Variants in HACD2 observed in about 807,000 individuals in gnomAD.
HACD2 encodes 3-hydroxyacyl-CoA dehydratase 2, also known as very-long-chain (3R)-3-hydroxyacyl-CoA dehydratase 2.
In HACD2, 15 loss-of-function variants were observed where a neutral mutation model predicts 31.0. The observed-to-expected ratio is 0.48, with a 90% CI of 0.32 to 0.75. HACD2 has a LOEUF of 0.75. Among genes scored for constraint, HACD2 ranks in the 30% least tolerant of loss-of-function variants. The probability of loss-of-function intolerance (pLI) is 0.03; values close to 1 mark genes in which losing one functional copy is unlikely to be tolerated. For missense variants in HACD2, 283 were observed against 313.0 expected (o/e 0.90, Z 0.72); for synonymous variants, 115 against 122.2 (o/e 0.94, Z 0.39).
chr3:123,575,378 A>T (rs2056897267), intron 2 of HACD2, among the ~76,000 whole-genome samples: 1 of 152,150 alleles, frequency 6.6e-6, no homozygotes, highest in Non-Finnish European at 1.5e-5. Context: ...TGGCCTTCCA[A>T]AGTGCTGGGA....
At chr3:123,537,679 T>C (rs993684923) in intron 3 of HACD2, among the ~76,000 whole-genome samples, 5 of 152,126 alleles carry the variant, frequency 3.3e-5, no homozygotes, top group African/African-American at 9.7e-5. Context: ...TTTTTCATGA[T>C]AGTATAAGCT....
In HACD2 at chr3:123,494,634, C is replaced by G. The variant is rs771825066; in HGVS notation, c.*254G>C. 1 of 493,012 alleles carries G rather than the reference C, an allele frequency of 2.0e-6. No individual in the cohort carries two copies. Among genetic ancestry groups the G allele is most frequent in the African/African-American group, 2.0e-5 (1 of 50,310 alleles). The allele number at this position is 493,012 out of a possible 1,614,324, so 30.5% of individuals were successfully genotyped here. ...TAAAATGCCAAATCCCTTTCTAGTG[C>G]CATCATAAATATTAAGAACTTCTGG... On this transcript the variant is annotated 3_prime_UTR_variant, in exon 7 of 7. Coordinates refer to ENST00000383657, the MANE Select transcript of HACD2 (RefSeq NM_198402.5).
At chr3:123,534,742 G>A (rs1406082812) in intron 3 of HACD2, among the ~76,000 whole-genome samples, 2 of 151,154 alleles carry the variant, frequency 1.3e-5, no homozygotes, top group African/African-American at 4.9e-5. Context: ...AGTGGGACAC[G>A]ATGTGGAGGC....
At chr3:123,539,436 G>C (rs549406176) in intron 3 of HACD2, among the ~76,000 whole-genome samples, 7 of 151,916 alleles carry the variant, frequency 4.6e-5, no homozygotes, top group Non-Finnish European at 1.0e-4. Context: ...TGGGCATGGT[G>C]GTGTGTGCCT....
intron 1 of HACD2, among the ~76,000 whole-genome samples, chr3:123,582,544 T>C (rs2056976987): frequency 6.6e-6 from 1 of 152,144 alleles, no homozygotes; most frequent in South Asian, 2.1e-4. Flanking sequence ...AGTGAAAGCA[T>C]AGTGGCACCT....
At chr3:123,511,047 G>A (rs143989180) in intron 4 of HACD2, among the ~76,000 whole-genome samples, 37 of 150,498 alleles carry the variant, frequency 2.5e-4, no homozygotes, top group Non-Finnish European at 3.1e-4. Context: ...TAGTGATGTT[G>A]AGCATCTTTT....
At chr3:123,496,446 C>T (rs188048353) in intron 6 of HACD2, among the ~76,000 whole-genome samples, 3 of 152,284 alleles carry the variant, frequency 2.0e-5, no homozygotes, top group Admixed American at 2.0e-4. Flanking sequence ...TTCAAATGAT[C>T]CTCCCAAAGT....
intron 1 of HACD2, among the ~76,000 whole-genome samples, chr3:123,582,654 G>A (rs2056977986): frequency 6.6e-6 from 1 of 152,254 alleles, no homozygotes; most frequent in East Asian, 1.9e-4. Flanking sequence ...TAAATCAGGT[G>A]CCAAGAAAAT....
intron 4 of HACD2, among the ~76,000 whole-genome samples, chr3:123,507,794 A>G (rs2055996988): frequency 6.6e-6 from 1 of 152,224 alleles, no homozygotes; most frequent in Admixed American, 6.5e-5. Flanking sequence ...GAAATGTTCT[A>G]AAGTTAGATT....
intron 3 of HACD2, among the ~76,000 whole-genome samples, chr3:123,540,268 T>A (rs1464702049): frequency 6.6e-6 from 1 of 152,124 alleles, no homozygotes; most frequent in Non-Finnish European, 1.5e-5. Flanking sequence ...CACTAGCATC[T>A]TACTCATCCA....
At chr3:123,534,777 T>C (rs2056405147) in intron 3 of HACD2, among the ~76,000 whole-genome samples, 2 of 146,222 alleles carry the variant, frequency 1.4e-5, no homozygotes, top group African/African-American at 5.1e-5. Context: ...GTGATGATCC[T>C]GTCCCTATGT....
At chr3:123,547,136 G>A (rs1441804669) in intron 3 of HACD2, among the ~76,000 whole-genome samples, 7 of 152,108 alleles carry the variant, frequency 4.6e-5, no homozygotes, top group Non-Finnish European at 1.0e-4. Flanking sequence ...AGTATTTAAC[G>A]AACGTACTTA....
intron 3 of HACD2, among the ~76,000 whole-genome samples, chr3:123,536,135 T>A (rs984117399): frequency 6.6e-6 from 1 of 152,242 alleles, no homozygotes; most frequent in Admixed American, 6.5e-5. Flanking sequence ...ATCCTGAAGA[T>A]CTTCCTATAT....
intron 4 of HACD2, among the ~76,000 whole-genome samples, chr3:123,510,932 GTTTTTTTTTTT>G (rs67094405): frequency 7.0e-6 from 1 of 142,642 alleles, no homozygotes; most frequent in African/African-American, 2.6e-5. Context: ...CATTTGCTGT[GTTTTTTTTTTT>G]TGTTTTTTTT....
chr3:123,525,177 C>T (rs753333319), intron 4 of HACD2, among the ~76,000 whole-genome samples: 3 of 152,150 alleles, frequency 2.0e-5, no homozygotes, highest in Non-Finnish European at 2.9e-5. Flanking sequence ...ACACAGCTGG[C>T]TTGTTTCGCC....
intron 3 of HACD2, among the ~76,000 whole-genome samples, chr3:123,548,795 T>C (rs2056588215): frequency 6.6e-6 from 1 of 151,810 alleles, no homozygotes; most frequent in South Asian, 2.1e-4. Context: ...GCTAAATTCT[T>C]TGATTTTTTT....
chr3:123,494,268 AAAC>A lies in HACD2; in HGVS notation c.*617_*619del, dbSNP rs1280293877. 6.5e-6 allele frequency: 1 copy of A among 152,822 alleles called. No individual in the cohort carries two copies. The highest frequency in any genetic ancestry group is 1.5e-5 in the Non-Finnish European group (1 of 68,538). The allele number at this position is 152,822 out of a possible 1,614,324, so 9.5% of individuals were successfully genotyped here. On this transcript the variant is annotated 3_prime_UTR_variant, in exon 7 of 7. Coordinates refer to ENST00000383657, the MANE Select transcript of HACD2 (RefSeq NM_198402.5). The stretch of plus-strand genomic sequence containing the variant: ...AGGCAGTAATGACTCAATTGGAAAC[AAAC>A]AAAAGGGTTCTAAGTTGTTTTCTGA...
intron 3 of HACD2, among the ~76,000 whole-genome samples, chr3:123,564,461 C>A (rs144389070): frequency 7.1e-4 from 108 of 152,310 alleles, no homozygotes; most frequent in African/African-American, 2.4e-3. Flanking sequence ...CTCAGTCCAA[C>A]GAAGGCTGAA....
chr3:123,581,591 C>T (rs2056967185), intron 2 of HACD2, among the ~76,000 whole-genome samples: 1 of 152,212 alleles, frequency 6.6e-6, no homozygotes, highest in Non-Finnish European at 1.5e-5. Context: ...CTCCTTGGTT[C>T]TCATTCCTGA....
Sources: gnomAD v4.1 joint callset for allele counts (sites outside exome capture counted in the v4.1 genomes callset) on GRCh38, gnomAD v4.1.1 for gene constraint, MANE v1.5 for transcripts, NCBI Gene and HGNC (gene_info 2026-07-23, HGNC 2026-07-21) for gene names.